Variants in BLTP1 observed in about 807,000 individuals in gnomAD.
The protein encoded by BLTP1 is bridge-like lipid transfer protein family member 1, also known as fragile site-associated protein.
chr4:122,195,145 C>T, the BLTP1 span, among the ~76,000 whole-genome samples: 14 of 152,078 alleles, frequency 9.2e-5, no homozygotes, highest in African/African-American at 2.9e-4. Flanking sequence ...AGCTGTTTTG[C>T]TATTGGATAA....
At chr4:122,354,439 T>C in the BLTP1 span, among the ~76,000 whole-genome samples, 2 of 149,866 alleles carry the variant, frequency 1.3e-5, no homozygotes, top group African/African-American at 2.4e-5. Context: ...ATTATCATTC[T>C]ATCAAGTTGT....
chr4:122,351,229 G>T, the BLTP1 span: 1 of 853,062 alleles, frequency 1.2e-6, no homozygotes, highest in Non-Finnish European at 1.4e-6. Context: ...TATCACAGAA[G>T]TAATACGTAT....
At chr4:122,331,966 A>G in the BLTP1 span, 1 of 175,016 alleles carries the variant, frequency 5.7e-6, no homozygotes, top group Non-Finnish European at 1.1e-5. Flanking sequence ...GTAGACTGAA[A>G]TTGTGTTCAG....
chr4:122,219,525 T>C, the BLTP1 span: 2 of 1,614,026 alleles, frequency 1.2e-6, no homozygotes, highest in South Asian at 1.1e-5. Flanking sequence ...GGGATATTAC[T>C]GTACTTGTTA....
the BLTP1 span, among the ~76,000 whole-genome samples, chr4:122,311,253 C>A: frequency 1.3e-5 from 2 of 152,068 alleles, no homozygotes; most frequent in Admixed American, 6.6e-5. Flanking sequence ...AGTATATATT[C>A]TGTTAATACA....
the BLTP1 span, chr4:122,249,209 G>T: frequency 1.7e-6 from 1 of 600,982 alleles, no homozygotes; most frequent in Non-Finnish European, 2.1e-6. Flanking sequence ...AATTATTTAG[G>T]ATATTTTTAA....
At chr4:122,306,773 G>A in the BLTP1 span, 1 of 703,102 alleles carries the variant, frequency 1.4e-6, no homozygotes. Context: ...AGGTAGACAA[G>A]GTCTAATTAA....
chr4:122,246,877 C>A, the BLTP1 span: 1 of 1,554,366 alleles, frequency 6.4e-7, no homozygotes, highest in South Asian at 1.2e-5. Context: ...CCTTGATCAT[C>A]TTTTCTTTTA....
chr4:122,257,461 C>T, the BLTP1 span: 1 of 1,613,996 alleles, frequency 6.2e-7, no homozygotes. Flanking sequence ...AAAGTGATAC[C>T]AGTGCTGATG....
chr4:122,330,999 A>C, the BLTP1 span: 1 of 973,604 alleles, frequency 1.0e-6, no homozygotes, highest in South Asian at 4.7e-5. Flanking sequence ...TCTTTAATAA[A>C]ATCTGGAAAG....
the BLTP1 span, chr4:122,169,975 G>A: frequency 4.1e-6 from 4 of 985,274 alleles, no homozygotes; most frequent in Non-Finnish European, 4.8e-6. Flanking sequence ...GTTTAATGTA[G>A]ATGGCTAGTA....
the BLTP1 span, among the ~76,000 whole-genome samples, chr4:122,232,568 C>G: frequency 2.6e-5 from 4 of 151,984 alleles, no homozygotes; most frequent in African/African-American, 9.7e-5. Context: ...GATTGCGCCA[C>G]TGCACTCCAG....
chr4:122,244,722 T>C, the BLTP1 span: 1 of 578,148 alleles, frequency 1.7e-6, no homozygotes, highest in Non-Finnish European at 2.2e-6. Context: ...CTATTAAGAT[T>C]CTTATGATAT....
At chr4:122,169,304 A>G in the BLTP1 span, among the ~76,000 whole-genome samples, 5 of 152,184 alleles carry the variant, frequency 3.3e-5, no homozygotes, top group African/African-American at 1.2e-4. Context: ...GAATAAACAG[A>G]AAACAGGTTT....
At chr4:122,213,356 A>G in the BLTP1 span, among the ~76,000 whole-genome samples, 1 of 152,122 alleles carries the variant, frequency 6.6e-6, no homozygotes, top group Non-Finnish European at 1.5e-5. Context: ...TTGTTTAACT[A>G]TATAATGTGT....
chr4:122,325,096 A>T, the BLTP1 span: 1 of 867,026 alleles, frequency 1.2e-6, no homozygotes, highest in Non-Finnish European at 1.7e-6. Context: ...GCTAAAGGTT[A>T]AGAGAAAGTT....
the BLTP1 span, among the ~76,000 whole-genome samples, chr4:122,295,032 CTT>C: frequency 1.3e-5 from 2 of 152,026 alleles, no homozygotes; most frequent in African/African-American, 2.4e-5. Flanking sequence ...TGAAGACTGT[CTT>C]TCTGAAATAA....
At chr4:122,212,041 G>A in the BLTP1 span, 2 of 984,046 alleles carry the variant, frequency 2.0e-6, no homozygotes, top group African/African-American at 1.7e-5. Context: ...TAGCTGACAA[G>A]GAATCCTGTA....
At chr4:122,169,546 G>A in the BLTP1 span, 1 of 805,184 alleles carries the variant, frequency 1.2e-6, no homozygotes, top group South Asian at 5.7e-5. Flanking sequence ...TTAGTCATAT[G>A]TTACTATGGT....
Sources: allele counts gnomAD v4.1 joint callset (sites outside exome capture counted in the v4.1 genomes callset), GRCh38; gene constraint gnomAD v4.1.1; transcripts MANE v1.5; gene names NCBI Gene and HGNC (gene_info 2026-07-23, HGNC 2026-07-21).